The following MAGI2 variants were observed in gnomAD, a reference collection of about 807,000 sequenced individuals.
The protein encoded by MAGI2 is membrane associated guanylate kinase, WW and PDZ domain containing 2, also known as membrane-associated guanylate kinase, WW and PDZ domain-containing protein 2.
In MAGI2, 35 loss-of-function variants were observed where a neutral mutation model predicts 133.3. The ratio of observed to expected loss-of-function variants is 0.26; its 90% CI spans 0.20 to 0.35. The LOEUF (loss-of-function observed/expected upper bound fraction) is 0.35, where lower values mean the gene tolerates loss of function less well. Ranked by LOEUF, MAGI2 falls within the 10% of genes least tolerant of loss-of-function variation. The probability of loss-of-function intolerance (pLI) is 1.00; values close to 1 mark genes in which losing one functional copy is unlikely to be tolerated. For synonymous variants in MAGI2, 729 were observed against 710.6 expected, an observed-to-expected ratio of 1.03 and a Z score of -0.41; for missense variants, 1,636 against 1,863.4, an observed-to-expected ratio of 0.88 and a Z score of 2.25.
At chr7:78,842,760 A>G (rs1792254188) in intron 2 of MAGI2, among the ~76,000 whole-genome samples, 2 of 151,916 alleles carry the variant, frequency 1.3e-5, no homozygotes, top group South Asian at 4.1e-4. Flanking sequence ...AAAGTAATTT[A>G]TTTCAGAATA....
chr7:79,342,019 C>T (rs894590802), intron 1 of MAGI2, among the ~76,000 whole-genome samples: 1 of 152,178 alleles, frequency 6.6e-6, no homozygotes, highest in African/African-American at 2.4e-5. Flanking sequence ...TTTTCTTGAA[C>T]TTGTCCATCA....
intron 1 of MAGI2, among the ~76,000 whole-genome samples, chr7:79,079,889 G>T (rs371741520): frequency 6.6e-6 from 1 of 152,038 alleles, no homozygotes; most frequent in Non-Finnish European, 1.5e-5. Flanking sequence ...TGTATTATTG[G>T]TATATTATTG....
At chr7:78,202,935 T>C (rs1422261244) in intron 10 of MAGI2, among the ~76,000 whole-genome samples, 7 of 152,134 alleles carry the variant, frequency 4.6e-5, no homozygotes, top group African/African-American at 1.7e-4. Context: ...ACAGTAAAAA[T>C]TACATATAAA....
At chr7:78,833,182 A>T (rs1216489340) in intron 2 of MAGI2, among the ~76,000 whole-genome samples, 1 of 152,186 alleles carries the variant, frequency 6.6e-6, no homozygotes, top group Non-Finnish European at 1.5e-5. Context: ...TTTCTGTTTT[A>T]AGGCTCTGTT....
intron 3 of MAGI2, among the ~76,000 whole-genome samples, chr7:78,611,773 T>A (rs1806472811): frequency 6.6e-6 from 1 of 152,164 alleles, no homozygotes; most frequent in Non-Finnish European, 1.5e-5. Flanking sequence ...TTTCTTCAAG[T>A]GTACTGCCAA....
intron 1 of MAGI2, among the ~76,000 whole-genome samples, chr7:79,338,081 GA>G (rs147011003): frequency 1.3e-4 from 20 of 151,114 alleles, no homozygotes; most frequent in Middle Eastern, 3.4e-3. Context: ...CTTTAAAATA[GA>G]AAAAAAAATA....
rs985315164 is a variant in MAGI2 at position 78,189,862 on chromosome 7, C to T, written c.2270-4192G>A. 6.6e-5 allele frequency among the ~76,000 whole-genome samples: 10 copies of T among 152,160 alleles called. No homozygotes were observed. The East Asian group carries it at 1.9e-3, about 29-fold the overall frequency. On this transcript the variant is annotated intron_variant, in intron 12 of 21. Transcript: ENST00000354212. ...AAAAGTGAAGCAACAGGACAAGGCCCTCTATCCTGTATCAACACACCCATC... is the reference window on the plus strand; with the variant it reads ...AAAAGTGAAGCAACAGGACAAGGCCTTCTATCCTGTATCAACACACCCATC...
intron 2 of MAGI2, chr7:78,904,217 T>C (rs1244022353): frequency 6.6e-6 from 1 of 152,098 alleles, no homozygotes; most frequent in East Asian, 1.9e-4. Context: ...CGAAGGATGC[T>C]AGAAGACGTG....
At chr7:78,630,768 A>G (rs1357083797) in intron 2 of MAGI2, among the ~76,000 whole-genome samples, 1 of 152,062 alleles carries the variant, frequency 6.6e-6, no homozygotes, top group Non-Finnish European at 1.5e-5. Flanking sequence ...TCCATTTTCC[A>G]TTCATTAATC....
intron 6 of MAGI2, among the ~76,000 whole-genome samples, chr7:78,469,026 AC>A (rs1790925255): frequency 6.6e-6 from 1 of 152,198 alleles, no homozygotes; most frequent in African/African-American, 2.4e-5. Flanking sequence ...TGTTAAATAA[AC>A]AATAAACCAG....
rs771800508 is a variant in MAGI2, at chr7:79,453,130, T to G, written c.191A>C (p.Glu64Ala). The change falls in exon 1 of 22, where the codon GAG becomes GCG. Residue 64 changes from glutamate (E) to alanine (A), a missense_variant. This residue lies in a region of MAGI2 where 148 missense variants were observed against 239.0 expected (regional missense o/e 0.62). Transcript: ENST00000354212. ...YESGSKLVSE[E>A]LLLEVNETPV... is the part of the protein sequence containing the mutation. ...GGTCTCGTTCACCTCCAGCAGCAGC[T>G]CCTCCGACACCAATTTGCTGCCGCT... 1.7e-5 allele frequency: 27 copies of G among 1,613,734 alleles called. No homozygotes were observed. Among genetic ancestry groups the G allele is most frequent in the Non-Finnish European group, 2.2e-5 (26 of 1,180,014 alleles).
chr7:79,349,557 T>C (rs1841557191), intron 1 of MAGI2, among the ~76,000 whole-genome samples: 1 of 151,990 alleles, frequency 6.6e-6, no homozygotes, highest in South Asian at 2.1e-4. Context: ...TATTACTATT[T>C]TACCTAAAAG....
At chr7:78,190,200 T>C (rs1451733216) in intron 12 of MAGI2, among the ~76,000 whole-genome samples, 3 of 152,212 alleles carry the variant, frequency 2.0e-5, no homozygotes, top group Non-Finnish European at 4.4e-5. Context: ...ACTAGATTTG[T>C]ACATATGTCT....
rs551447 is a variant in MAGI2 at position 78,858,007 on chromosome 7, G to A, written c.418+149083C>T. ...AGGGTGTATGTGTCGAGGAATTTAT[G>A]CATTTCTTCTAGATTTTCTAGTTTA... On this transcript the variant is annotated intron_variant, in intron 2 of 21. Coordinates refer to ENST00000354212, the MANE Select transcript of MAGI2 (RefSeq NM_012301.4). Among the ~76,000 whole-genome samples the A allele has an allele frequency of 2.0e-5, 3 of 152,340 alleles. No homozygotes were observed. In the South Asian group the frequency reaches 6.2e-4, roughly 32 times the overall value.
chr7:78,990,868 C>G lies in MAGI2; in HGVS notation c.418+16222G>C, dbSNP rs182066251. On this transcript the variant is annotated intron_variant, in intron 2 of 21. Coordinates refer to ENST00000354212, the MANE Select transcript of MAGI2 (RefSeq NM_012301.4). ...CACCTGCACAGGTGTTATGTATGTC[C>G]TATTATTTTACTGAAATAAGAGATT... Among the ~76,000 whole-genome samples, 246 of 149,374 alleles carry G rather than the reference C, an allele frequency of 1.6e-3. 2 individuals carry two copies. Among genetic ancestry groups the G allele is most frequent in the South Asian group, 2.3e-3 (11 of 4,694 alleles).
chr7:78,746,409 G>A (rs529517448), intron 2 of MAGI2, among the ~76,000 whole-genome samples: 167 of 152,240 alleles, frequency 1.1e-3, no homozygotes, highest in Non-Finnish European at 2.0e-3. Context: ...ATCTTATTCC[G>A]GGACAGAACA....
At chr7:78,254,160 T>TATC (rs1792725147) in intron 10 of MAGI2, 1 of 152,154 alleles carries the variant, frequency 6.6e-6, no homozygotes, top group Admixed American at 6.5e-5. Flanking sequence ...GAGAATGGGG[T>TATC]AGCCAAGCTG....
intron 21 of MAGI2, among the ~76,000 whole-genome samples, chr7:78,066,925 C>G (rs545890888): frequency 2.0e-5 from 3 of 152,208 alleles, no homozygotes; most frequent in Non-Finnish European, 1.5e-5. Context: ...TTGCTCCACA[C>G]GTGGTGCTAT....
At chr7:78,473,694 T>C (rs1372398862) in intron 6 of MAGI2, among the ~76,000 whole-genome samples, 1 of 151,922 alleles carries the variant, frequency 6.6e-6, no homozygotes, top group Non-Finnish European at 1.5e-5. Context: ...ACACCTGACA[T>C]ACATACACAC....
Sources: gnomAD v4.1 joint callset for allele counts (sites outside exome capture counted in the v4.1 genomes callset) on GRCh38, gnomAD v4.1.1 for gene constraint, gnomAD v4.1.1 regional missense constraint, MANE v1.5 for transcripts, NCBI Gene and HGNC (gene_info 2026-07-23, HGNC 2026-07-21) for gene names.